Variants in TK2 observed in about 807,000 individuals in gnomAD.
The protein encoded by TK2 is thymidine kinase 2, mitochondrial.
In TK2, 35 loss-of-function variants were observed where a neutral mutation model predicts 41.9. The observed-to-expected ratio is 0.84, with a 90% CI of 0.64 to 1.11. The LOEUF is 1.11. Among genes scored for constraint, TK2 ranks in the 50% least tolerant of loss-of-function variants. TK2 has a pLI of 0.00. For synonymous variants in TK2, 128 were observed against 129.1 expected, an observed-to-expected ratio of 0.99 and a Z score of 0.06; for missense variants, 320 against 351.1, an observed-to-expected ratio of 0.91 and a Z score of 0.71.
chr16:66,536,471 T>G (rs917499799), intron 4 of TK2, among the ~76,000 whole-genome samples: 1 of 152,108 alleles, frequency 6.6e-6, no homozygotes, highest in Non-Finnish European at 1.5e-5. Context: ...CTACAGCCCC[T>G]GTTGCTAGGT....
chr16:66,542,626 C>A (rs538009801), intron 2 of TK2, among the ~76,000 whole-genome samples: 1 of 152,082 alleles, frequency 6.6e-6, no homozygotes, highest in Non-Finnish European at 1.5e-5. Context: ...AATGACTGCA[C>A]GTGGGAGGGA....
At chr16:66,546,282 T>C (rs1965605385) in intron 2 of TK2, among the ~76,000 whole-genome samples, 1 of 152,232 alleles carries the variant, frequency 6.6e-6, no homozygotes, top group Non-Finnish European at 1.5e-5. Flanking sequence ...TAGTGGTGTT[T>C]ACTCTGTAGT....
intron 4 of TK2, among the ~76,000 whole-genome samples, chr16:66,532,870 A>G (rs1248675065): frequency 7.7e-6 from 1 of 130,620 alleles, no homozygotes; most frequent in Non-Finnish European, 1.6e-5. Context: ...AAAATAGGGA[A>G]AAAAAAAATC....
In TK2 at chr16:66,533,335, C is replaced by CAA. The variant is rs57612451; in HGVS notation, c.286-1868_286-1867dup. On this transcript the variant is annotated intron_variant, in intron 4 of 9. Transcript: ENST00000544898. ...TGGGTGACAGAGCGAGACTCCATCTCAAAAAAAAAAAAAAAAAAAAAAAGC... is the reference window on the plus strand; with the variant it reads ...TGGGTGACAGAGCGAGACTCCATCTCAAAAAAAAAAAAAAAAAAAAAAAAAGC... Among the ~76,000 whole-genome samples, 426 of 43,438 alleles carry CAA rather than the reference C, an allele frequency of 9.8e-3. 2 individuals are homozygous for CAA. Among genetic ancestry groups the CAA allele is most frequent in the African/African-American group, 0.013 (182 of 14,438 alleles). The allele number at this position is 43,438 out of a possible 152,430, so 28.5% of individuals were successfully genotyped here.
chr16:66,535,982 C>T (rs999814006), intron 4 of TK2, among the ~76,000 whole-genome samples: 2 of 151,998 alleles, frequency 1.3e-5, no homozygotes, highest in Non-Finnish European at 2.9e-5. Flanking sequence ...AGGTGGGTGG[C>T]TCATGAGGGT....
chr16:66,510,228 A>AC lies in TK2; in HGVS notation c.*1739_*1740insG, dbSNP rs886052197. 4.0e-5 allele frequency: 6 copies of AC among 151,402 alleles called. No homozygotes were observed. The highest frequency in any genetic ancestry group is 1.2e-4 in the African/African-American group (5 of 41,232). The allele number at this position is 151,402 out of a possible 1,614,324, so 9.4% of individuals were successfully genotyped here. On this transcript the variant is annotated 3_prime_UTR_variant, in exon 10 of 10. Coordinates refer to ENST00000544898, the MANE Select transcript of TK2 (RefSeq NM_004614.5). ...CCTTAGGCAAAAAAAAAAAAAAAAA[A>AC]AGAGAGAGAAATCACATTTCCCCAA...
At chr16:66,526,977 G>A (rs987630429) in intron 6 of TK2, among the ~76,000 whole-genome samples, 4 of 152,180 alleles carry the variant, frequency 2.6e-5, no homozygotes, top group African/African-American at 9.7e-5. Context: ...CCTCCGCCTC[G>A]GGTTACAGTT....
chr16:66,547,824 T>C lies in TK2; in HGVS notation c.156+1154A>G, dbSNP rs143693888. On this transcript the variant is annotated intron_variant, in intron 2 of 9. Transcript: ENST00000544898. ...GAATGTTTACAAACAGTCCTGAGCC[T>C]GAATGCAGGCTCCATACCACTTTCT... 1.9e-5 allele frequency: 22 copies of C among 1,174,382 alleles called. 2 individuals are homozygous for C. In the East Asian group the frequency reaches 1.2e-3, roughly 64 times the overall value. The allele number at this position is 1,174,382 out of a possible 1,614,324, so 72.7% of individuals were successfully genotyped here. A position where few individuals can be genotyped will look rare whatever the true frequency, so the allele number is the denominator to read the frequency against.
At chr16:66,538,148 G>T (rs1965344706) in intron 3 of TK2, among the ~76,000 whole-genome samples, 1 of 152,082 alleles carries the variant, frequency 6.6e-6, no homozygotes, top group Non-Finnish European at 1.5e-5. Context: ...GGGTGACAGA[G>T]CAAGACTCCG....
At chr16:66,540,234 A>G (rs1965419555) in intron 3 of TK2, among the ~76,000 whole-genome samples, 1 of 141,742 alleles carries the variant, frequency 7.1e-6, no homozygotes, top group Non-Finnish European at 1.5e-5. Context: ...GTTCAACGGC[A>G]CAGTCCTGGC....
chr16:66,516,881 G>A (rs1273154400), intron 8 of TK2, among the ~76,000 whole-genome samples: 1 of 151,566 alleles, frequency 6.6e-6, no homozygotes, highest in Non-Finnish European at 1.5e-5. Context: ...GTGGGGAGGG[G>A]AGGGGAACGC....
chr16:66,514,876 G>A lies in TK2; in HGVS notation c.619-1065C>T, dbSNP rs1964563858. Among the ~76,000 whole-genome samples the A allele has an allele frequency of 6.6e-6, 1 of 152,150 alleles. No homozygotes were observed. Among genetic ancestry groups the A allele is most frequent in the Non-Finnish European group, 1.5e-5 (1 of 68,034 alleles). Reference sequence around the variant, plus strand: ...AGTCTATAACCTTACCCCCAACCCCGTGCTCTCTGAAACGTGTGCTGTGTC... The same window carrying A: ...AGTCTATAACCTTACCCCCAACCCCATGCTCTCTGAAACGTGTGCTGTGTC... On this transcript the variant is annotated intron_variant, in intron 8 of 9. Transcript: ENST00000544898. This position sits in a 1 kb window ranked among gnomAD's most constrained non-coding sequence, Gnocchi z 4.2.
intron 6 of TK2, among the ~76,000 whole-genome samples, chr16:66,525,853 A>T (rs185256198): frequency 4.9e-4 from 74 of 152,358 alleles, no homozygotes; most frequent in Non-Finnish European, 5.9e-5. Context: ...CACAGAGGCC[A>T]TGCATTCTGG....
chr16:66,522,807 T>C (rs1015292963), intron 6 of TK2, among the ~76,000 whole-genome samples: 4 of 152,100 alleles, frequency 2.6e-5, no homozygotes, highest in African/African-American at 9.7e-5. Flanking sequence ...GAGGCTGCAG[T>C]GAGCCGAGAT....
intron 5 of TK2, among the ~76,000 whole-genome samples, chr16:66,530,137 G>A (rs952175998): frequency 1.3e-5 from 2 of 152,200 alleles, no homozygotes; most frequent in African/African-American, 4.8e-5. Context: ...TATTTGGGGA[G>A]ATGGAAATTC....
chr16:66,521,402 C>G (rs562229164), intron 6 of TK2, among the ~76,000 whole-genome samples: 4 of 152,236 alleles, frequency 2.6e-5, no homozygotes, highest in Non-Finnish European at 4.4e-5. Flanking sequence ...GCTTCCCCCA[C>G]AGGGTTGGTG....
chr16:66,549,487 T>C (rs985159910), intron 1 of TK2: 1 of 1,039,288 alleles, frequency 9.6e-7, no homozygotes, highest in Non-Finnish European at 1.2e-6. Context: ...AGAACCCGGG[T>C]GTAACAGTGA....
chr16:66,520,029 CAGAAG>C (rs561946619), intron 6 of TK2, among the ~76,000 whole-genome samples: 98 of 152,310 alleles, frequency 6.4e-4, no homozygotes, highest in African/African-American at 2.3e-3. Flanking sequence ...CCCATGTCCT[CAGAAG>C]AGAAGAGTAT....
intron 9 of TK2, 150 bp downstream of exon 9, chr16:66,513,581 G>A (rs1964514150): frequency 1.3e-6 from 1 of 750,376 alleles, no homozygotes; most frequent in Non-Finnish European, 2.3e-6. Context: ...CAGGCACTGG[G>A]AGAGAGAGCA....
Sources: gnomAD v4.1 joint callset for allele counts (sites outside exome capture counted in the v4.1 genomes callset) on GRCh38, gnomAD v4.1.1 for gene constraint, Gnocchi (gnomAD v3.1) non-coding constraint, MANE v1.5 for transcripts, NCBI Gene and HGNC (gene_info 2026-07-23, HGNC 2026-07-21) for gene names.